The following ZNF575 variants were observed in gnomAD, a reference collection of about 807,000 sequenced individuals.
ZNF575 encodes the protein zinc finger protein 575.
Under a neutral mutation model 17.5 loss-of-function variants are expected in ZNF575, and 17 were observed. The observed-to-expected ratio is 0.97, with a 90% CI of 0.66 to 1.45. The LOEUF is 1.45. Among genes scored for constraint, ZNF575 ranks in the 40% most tolerant of loss-of-function variants. The pLI is 0.00. For missense variants in ZNF575, 352 were observed against 359.2 expected, an observed-to-expected ratio of 0.98 and a Z score of 0.16; for synonymous variants, 146 against 158.3, an observed-to-expected ratio of 0.92 and a Z score of 0.58.
Position 43,535,856 on chromosome 19 carries a change from G to C in ZNF575, c.*169G>C. ...AGCTCAGAAGCCCGAGGAACTCTTT[G>C]CTCCCCTGCTTTGGGGAGATCTCAA... On this transcript the variant is annotated 3_prime_UTR_variant, in exon 4 of 4. Coordinates refer to ENST00000314228, the MANE Select transcript of ZNF575 (RefSeq NM_174945.3). The C allele has an allele frequency of 1.4e-6, 1 of 739,712 alleles. No homozygotes were observed. The highest frequency in any genetic ancestry group is 1.9e-5 in the South Asian group (1 of 52,854). 45.8% of individuals were successfully genotyped at this position (739,712 alleles called of 1,614,324 possible).
At chr19:43,531,941 ACTTTT>A, upstream of ZNF575, 2 of 173,046 alleles carry the variant, frequency 1.2e-5, no homozygotes, top group Non-Finnish European at 1.1e-5. Context: ...ATTAAGCCAG[ACTTTT>A]TTTTTTTTTT....
chr19:43,535,358 C>A lies in ZNF575; in HGVS notation c.409C>A (p.His137Asn). 6.3e-7 allele frequency: 1 copy of A among 1,589,764 alleles called. No individual in the cohort carries two copies. The highest frequency in any genetic ancestry group is 8.6e-7 in the Non-Finnish European group (1 of 1,163,052). The change falls in exon 4 of 4, where the codon CAC (histidine) becomes AAC (asparagine). Residue 137 changes from histidine (H) to asparagine (N), a missense_variant. His to Asn is a moderately conservative substitution (Grantham distance 68, BLOSUM62 1). Transcript: ENST00000314228. ...TGGCCACCGCTCCAAGCTGGCGGCT[C>A]ACCTCTGGACCCACGCACCCACCCG... ...SFGHRSKLAA[H>N]LWTHAPTRPY... is the part of the protein sequence containing the mutation.
In ZNF575 at chr19:43,535,238, C is replaced by T. The variant is rs777378918; in HGVS notation, c.289C>T (p.Pro97Ser). The change falls in exon 4 of 4, where the codon CCC (proline) becomes TCC (serine). Residue 97 changes from proline (P) to serine (S), a missense_variant. Transcript: ENST00000314228. ...CCGACCCCACCCATGCCCAGACTGC[C>T]CCAAGGCCTTCTCCTACCCCTCCAA... ...GARPHPCPDC[P>S]KAFSYPSKLA... 10 of 1,611,820 alleles carry T rather than the reference C, an allele frequency of 6.2e-6. No homozygotes were observed. The highest frequency in any genetic ancestry group is 3.3e-4 in the Middle Eastern group (2 of 6,078).
At chr19:43,531,896 C>A, upstream of ZNF575, 2 of 603,366 alleles carry the variant, frequency 3.3e-6, no homozygotes, top group South Asian at 1.8e-5. Context: ...TCCCCACTCC[C>A]TACCCCCGTG....
upstream of ZNF575, chr19:43,531,891 A>G (rs886284270): frequency 3.4e-6 from 2 of 585,488 alleles, no homozygotes; most frequent in South Asian, 1.7e-5. Flanking sequence ...GTGAGTCCCC[A>G]CTCCCTACCC....
chr19:43,535,937 T>G lies in ZNF575; in HGVS notation c.*250T>G. ...GCTGGCTCTGCTTCTCCCCACACAC[T>G]TACATGGCAAAGGTAAAAAGTCTGC... On this transcript the variant is annotated 3_prime_UTR_variant, in exon 4 of 4. Coordinates refer to ENST00000314228, the MANE Select transcript of ZNF575 (RefSeq NM_174945.3). 1.9e-6 allele frequency: 1 copy of G among 533,940 alleles called. No individual in the cohort carries two copies. The highest frequency in any genetic ancestry group is 2.6e-5 in the South Asian group (1 of 38,758). The allele number at this position is 533,940 out of a possible 1,614,324, so 33.1% of individuals were successfully genotyped here.
chr19:43,532,614 C>A (rs142388250), upstream of ZNF575, among the ~76,000 whole-genome samples: 5 of 152,318 alleles, frequency 3.3e-5, no homozygotes, highest in Admixed American at 2.0e-4. Context: ...CCGCCAAACT[C>A]CCAGGGATCG....
chr19:43,534,346 C>A lies in ZNF575; in HGVS notation c.-77C>A, dbSNP rs1467132911. ...TGATCCCTCATTTTAGGCCCTCCAA[C>A]CCTATCCCCATCAGCCTGGTCATCA... is the stretch of plus-strand genomic sequence containing the variant. On this transcript the variant is annotated 5_prime_UTR_variant, in exon 3 of 4. Transcript: ENST00000314228. The A allele has an allele frequency of 1.4e-6, 2 of 1,401,770 alleles. No individual in the cohort carries two copies. Among genetic ancestry groups the A allele is most frequent in the African/African-American group, 2.9e-5 (2 of 69,812 alleles). 86.8% of individuals were successfully genotyped at this position (1,401,770 alleles called of 1,614,324 possible).
rs566145753 is a variant in ZNF575, at chr19:43,535,278, G to A, written c.329G>A (p.Arg110His). The change falls in exon 4 of 4, where the codon CGC becomes CAC. Residue 110 changes from arginine (R) to histidine (H), a missense_variant. Transcript: ENST00000314228. ...FSYPSKLAAHRLTHSGARPHP... is the reference protein window; with the variant it reads ...FSYPSKLAAHHLTHSGARPHP... ...TACCCCTCCAAGCTGGCAGCCCACC[G>A]CCTCACGCACAGCGGCGCCCGCCCG... The A allele has an allele frequency of 1.1e-5, 18 of 1,611,790 alleles. No individual in the cohort carries two copies. In the African/African-American group the frequency reaches 1.6e-4, roughly 14 times the overall value.
In ZNF575 at chr19:43,533,257, C is replaced by G; in HGVS notation, c.-459C>G. On this transcript the variant is annotated 5_prime_UTR_variant, in exon 1 of 4. Coordinates refer to ENST00000314228, the MANE Select transcript of ZNF575 (RefSeq NM_174945.3). ...CAGCCCCTCCTTCCATTCCTTCTTCCCCCTCTCTGCAGCCTCTGCCAGCCC... is the reference window on the plus strand; with the variant it reads ...CAGCCCCTCCTTCCATTCCTTCTTCGCCCTCTCTGCAGCCTCTGCCAGCCC... 6.6e-6 allele frequency: 1 copy of G among 152,420 alleles called. No individual in the cohort carries two copies. The highest frequency in any genetic ancestry group is 1.9e-4 in the East Asian group (1 of 5,206). The allele number at this position is 152,420 out of a possible 1,614,324, so 9.4% of individuals were successfully genotyped here. A position where few individuals can be genotyped will look rare whatever the true frequency, so the allele number is the denominator to read the frequency against.
rs1382259845 is a variant in ZNF575 at position 43,535,250 on chromosome 19, T to C, written c.301T>C (p.Ser101Pro). ...ATGCCCAGACTGCCCCAAGGCCTTC[T>C]CCTACCCCTCCAAGCTGGCAGCCCA... ...HPCPDCPKAF[S>P]YPSKLAAHRL... is the part of the protein sequence containing the mutation. The change falls in exon 4 of 4, where the codon TCC becomes CCC. Residue 101 changes from serine to proline, a missense_variant. By Grantham distance (74) the Ser-to-Pro change is moderately conservative (BLOSUM62 -1). Transcript: ENST00000314228. 2 of 1,611,512 alleles carry C rather than the reference T, an allele frequency of 1.2e-6. No homozygotes were observed. Among genetic ancestry groups the C allele is most frequent in the Non-Finnish European group, 1.7e-6 (2 of 1,179,196 alleles).
intron 3 of ZNF575, among the ~76,000 whole-genome samples, chr19:43,534,766 A>G (rs1038616684): frequency 4.6e-5 from 7 of 152,128 alleles, no homozygotes; most frequent in African/African-American, 1.4e-4. Flanking sequence ...CACTGGGAAG[A>G]TACTAGAAAC....
intron 2 of ZNF575, 175 bp downstream of exon 2, chr19:43,534,077 G>C: frequency 2.7e-6 from 1 of 371,820 alleles, no homozygotes; most frequent in Non-Finnish European, 4.9e-6. Flanking sequence ...GGGTCTGGTG[G>C]GGAAGGTCCC....
At chr19:43,533,966 G>A in intron 2 of ZNF575, 64 bp downstream of exon 2, 1 of 166,378 alleles carries the variant, frequency 6.0e-6, no homozygotes, top group South Asian at 1.4e-4. Context: ...CCCTGGGACG[G>A]TGATGAAAGA....
At position 43,534,452 on chromosome 19, in the gene ZNF575, C is replaced by T; in HGVS notation, c.30C>T (p.Ala10=). The part of the protein sequence containing the change: MLERGAESA[A]GATDPSPTGK... ...TGGAGCGAGGCGCGGAGTCCGCGGC[C>T]GGGGCTACCGATCCTAGTCCCACTG... Residue 10 remains alanine (A), a synonymous_variant, in exon 3 of 4, where the codon GCC becomes GCT. Transcript: ENST00000314228. The T allele has an allele frequency of 3.3e-6, 5 of 1,537,170 alleles. No individual in the cohort carries two copies. The highest frequency in any genetic ancestry group is 2.6e-6 in the Non-Finnish European group (3 of 1,142,382).
In ZNF575 at chr19:43,535,578, C is replaced by T. The variant is rs746788767; in HGVS notation, c.629C>T (p.Thr210Ile). 1.2e-6 allele frequency: 2 copies of T among 1,613,876 alleles called. No homozygotes were observed. The highest frequency in any genetic ancestry group is 2.2e-5 in the East Asian group (1 of 44,882). ...CCAACCGCGCCCGGCAGCCAGGCGA[C>T]TGCCTGGCACCGATGCTCCAGCTGC... is the stretch of plus-strand genomic sequence containing the variant. Reference protein sequence around the residue: ...DPPTAPGSQATAWHRCSSCGQ... With the variant: ...DPPTAPGSQAIAWHRCSSCGQ... Residue 210 changes from threonine to isoleucine, a missense_variant, in exon 4 of 4, where the codon ACT (threonine) becomes ATT (isoleucine). Physicochemically the swap from Thr to Ile is moderately conservative, Grantham distance 89. Coordinates refer to ENST00000314228, the MANE Select transcript of ZNF575 (RefSeq NM_174945.3).
rs1057372332 is a variant in ZNF575 at position 43,535,918 on chromosome 19, T to G, written c.*231T>G. 4.3e-5 allele frequency: 25 copies of G among 574,962 alleles called. No homozygotes were observed. In the African/African-American group the frequency reaches 4.5e-4, roughly 10 times the overall value. The allele number at this position is 574,962 out of a possible 1,614,324, so 35.6% of individuals were successfully genotyped here. ...GGAGCTGTGGTTTGACAGCGCTGGC[T>G]CTGCTTCTCCCCACACACTTACATG... is the stretch of plus-strand genomic sequence containing the variant. On this transcript the variant is annotated 3_prime_UTR_variant, in exon 4 of 4. Coordinates refer to ENST00000314228, the MANE Select transcript of ZNF575 (RefSeq NM_174945.3).
Position 43,534,507 on chromosome 19 carries a change from A to G in ZNF575, c.79+6A>G, listed in dbSNP as rs1240774159. On this transcript the variant is annotated splice_donor_region_variant and intron_variant, in intron 3 of 3. Coordinates refer to ENST00000314228, the MANE Select transcript of ZNF575 (RefSeq NM_174945.3). ...GGAACCAGTGACCAAAGAAGGTGAG[A>G]GTGCCCCGCCTGTGAGTAGGGAGCA... 1.4e-6 allele frequency: 2 copies of G among 1,443,516 alleles called. 1 individual carries two copies. The highest frequency in any genetic ancestry group is 3.0e-5 in the South Asian group (2 of 66,472). The allele number at this position is 1,443,516 out of a possible 1,614,324, so 89.4% of individuals were successfully genotyped here.
chr19:43,535,503 CTT>C lies in ZNF575; in HGVS notation c.556_557del (p.Phe186LeufsTer82). ...TATCCTTGCCCGCATTGCCCCAAGG[CTT>C]TCTCATTTCCCTCCAAGCTGGCCGC... On this transcript the variant is annotated frameshift_variant, in exon 4 of 4. Coordinates refer to ENST00000314228, the MANE Select transcript of ZNF575 (RefSeq NM_174945.3). LOFTEE classifies it high-confidence loss of function. 1 of 1,613,960 alleles carries C rather than the reference CTT, an allele frequency of 6.2e-7. No homozygotes were observed. The highest frequency in any genetic ancestry group is 1.3e-5 in the African/African-American group (1 of 75,038).
Sources: gnomAD v4.1 joint callset for allele counts (sites outside exome capture counted in the v4.1 genomes callset) on GRCh38, gnomAD v4.1.1 for gene constraint, MANE v1.5 for transcripts, NCBI Gene and HGNC (gene_info 2026-07-23, HGNC 2026-07-21) for gene names.